SEMA3A: variants seen among roughly 807,000 people sequenced by gnomAD.
SEMA3A encodes semaphorin-3A.
In SEMA3A, 29 loss-of-function variants were observed where a neutral mutation model predicts 97.9. The observed-to-expected ratio is 0.30, with a 90% confidence interval of 0.22 to 0.40. The LOEUF (loss-of-function observed/expected upper bound fraction) is 0.40, where lower values mean the gene tolerates loss of function less well. SEMA3A is among the 10% of genes least tolerant of loss of function. The pLI is 1.00. For synonymous variants in SEMA3A, 321 were observed against 323.7 expected, an observed-to-expected ratio of 0.99 and a Z score of 0.09; for missense variants, 763 against 951.3, an observed-to-expected ratio of 0.80 and a Z score of 2.60.
chr7:84,252,087 A>T (rs1167290888), intron 3 of SEMA3A, among the ~76,000 whole-genome samples: 1 of 152,190 alleles, frequency 6.6e-6, no homozygotes, highest in Non-Finnish European at 1.5e-5. Context: ...ATCCGAATCC[A>T]GCAATGGACT....
chr7:84,121,374 C>T (rs544546186), intron 3 of SEMA3A, among the ~76,000 whole-genome samples: 24 of 150,884 alleles, frequency 1.6e-4, no homozygotes, highest in African/African-American at 4.9e-4. Context: ...CCCCACCCCA[C>T]GACAGGCCCC....
chr7:84,126,821 C>A (rs1795813538), intron 3 of SEMA3A, among the ~76,000 whole-genome samples: 1 of 152,118 alleles, frequency 6.6e-6, no homozygotes, highest in African/African-American at 2.4e-5. Context: ...TGTTGTCTCA[C>A]TTAATAGATG....
chr7:84,389,585 C>T (rs561052122), intron 1 of SEMA3A, among the ~76,000 whole-genome samples: 2 of 152,068 alleles, frequency 1.3e-5, no homozygotes, highest in East Asian at 1.9e-4. Flanking sequence ...TTTAAAAAAC[C>T]TGTACAGAGA....
chr7:84,435,362 C>T (rs1805098694), intron 1 of SEMA3A, among the ~76,000 whole-genome samples: 1 of 152,170 alleles, frequency 6.6e-6, no homozygotes, highest in African/African-American at 2.4e-5. Context: ...GTAATCCCAG[C>T]ACTTTGGGAG....
At chr7:84,150,298 C>T (rs1180114425) in intron 1 of SEMA3A, among the ~76,000 whole-genome samples, 2 of 152,158 alleles carry the variant, frequency 1.3e-5, no homozygotes, top group African/African-American at 2.4e-5. Context: ...ACGCAGAAGA[C>T]GGGTGATTTC....
intron 3 of SEMA3A, among the ~76,000 whole-genome samples, chr7:84,248,575 T>C (rs1432655429): frequency 7.5e-6 from 1 of 133,406 alleles, no homozygotes; most frequent in South Asian, 2.3e-4. Flanking sequence ...TGCCTAGTGA[T>C]AAACACTGCT....
intron 11 of SEMA3A, among the ~76,000 whole-genome samples, chr7:84,003,748 T>TTCAA (rs1164780455): frequency 6.6e-6 from 1 of 152,114 alleles, no homozygotes; most frequent in Non-Finnish European, 1.5e-5. Flanking sequence ...TGCAAAGAAA[T>TTCAA]TCAATTATAA....
At chr7:84,295,144 A>G (rs1194464970) in intron 3 of SEMA3A, among the ~76,000 whole-genome samples, 1 of 152,032 alleles carries the variant, frequency 6.6e-6, no homozygotes, top group Non-Finnish European at 1.5e-5. Flanking sequence ...GTGGGATATA[A>G]AAGGATTTGA....
intron 13 of SEMA3A, among the ~76,000 whole-genome samples, chr7:83,983,883 T>C (rs1345984459): frequency 1.3e-5 from 2 of 152,148 alleles, no homozygotes; most frequent in Non-Finnish European, 2.9e-5. Context: ...AGAAAATTAC[T>C]TGCAACACTA....
intron 1 of SEMA3A, among the ~76,000 whole-genome samples, chr7:84,188,204 C>G (rs556717431): frequency 6.6e-6 from 1 of 152,068 alleles, no homozygotes; most frequent in South Asian, 2.1e-4. Context: ...TAAAAACTCC[C>G]AAGACCAAAC....
intron 4 of SEMA3A, among the ~76,000 whole-genome samples, chr7:84,061,525 A>C (rs1260850322): frequency 6.6e-6 from 1 of 152,190 alleles, no homozygotes; most frequent in Non-Finnish European, 1.5e-5. Context: ...TTCCAGTAGT[A>C]CATTAAGTTG....
chr7:84,220,601 A>G (rs1458579864), intron 3 of SEMA3A, among the ~76,000 whole-genome samples: 2 of 152,162 alleles, frequency 1.3e-5, no homozygotes, highest in Non-Finnish European at 2.9e-5. Context: ...TACAGAATAA[A>G]TGTCATATTA....
intron 2 of SEMA3A, among the ~76,000 whole-genome samples, chr7:84,308,613 G>A (rs1801227409): frequency 6.6e-6 from 1 of 152,100 alleles, no homozygotes; most frequent in Non-Finnish European, 1.5e-5. Context: ...AACAGAAGTC[G>A]GGAAGGGGCC....
chr7:84,081,323 T>C (rs561310580), intron 4 of SEMA3A, among the ~76,000 whole-genome samples: 5 of 152,178 alleles, frequency 3.3e-5, no homozygotes, highest in Admixed American at 3.3e-4. Flanking sequence ...CCGGGCGCGG[T>C]GGCTCATGCC....
rs1483321725 is a variant in SEMA3A, at chr7:83,955,933, T to C, written c.*5438A>G. 1 of 152,174 alleles carries C rather than the reference T, an allele frequency of 6.6e-6. No individual in the cohort carries two copies. The highest frequency in any genetic ancestry group is 2.4e-5 in the African/African-American group (1 of 41,452). The allele number at this position is 152,174 out of a possible 1,614,324, so 9.4% of individuals were successfully genotyped here. Reference sequence around the variant, plus strand: ...AGGTCCTATATAAATAAACATTGTATATACAAGTATAGTGTTTAGATTAAA... The same window carrying C: ...AGGTCCTATATAAATAAACATTGTACATACAAGTATAGTGTTTAGATTAAA... On this transcript the variant is annotated 3_prime_UTR_variant, in exon 17 of 17. Transcript: ENST00000265362.
chr7:84,141,298 C>T (rs552389338), intron 1 of SEMA3A, among the ~76,000 whole-genome samples: 1 of 152,130 alleles, frequency 6.6e-6, no homozygotes, highest in Non-Finnish European at 1.5e-5. Context: ...GTCTCTCCAG[C>T]CTGTGCCAGA....
At chr7:84,386,647 T>A (rs1803404340) in intron 1 of SEMA3A, among the ~76,000 whole-genome samples, 1 of 152,200 alleles carries the variant, frequency 6.6e-6, no homozygotes. Flanking sequence ...TATTTACCTA[T>A]TTTAAGATAG....
intron 1 of SEMA3A, among the ~76,000 whole-genome samples, chr7:84,146,082 G>A (rs1796454748): frequency 6.6e-6 from 1 of 152,114 alleles, no homozygotes; most frequent in South Asian, 2.1e-4. Flanking sequence ...TTGAGAATTA[G>A]CAGACATCTA....
chr7:84,463,115 T>A (rs1044261766), intron 1 of SEMA3A, among the ~76,000 whole-genome samples: 10 of 152,154 alleles, frequency 6.6e-5, no homozygotes, highest in Admixed American at 6.5e-4. Flanking sequence ...CAACTGTTTT[T>A]CATTTTTTAA....
Sources: gnomAD v4.1 joint callset for allele counts (sites outside exome capture counted in the v4.1 genomes callset) on GRCh38, gnomAD v4.1.1 for gene constraint, MANE v1.5 for transcripts, NCBI Gene and HGNC (gene_info 2026-07-23, HGNC 2026-07-21) for gene names.